ARL17A: variants seen among roughly 807,000 people sequenced by gnomAD.
ARL17A encodes ARF like GTPase 17A, also known as ADP-ribosylation factor-like 17-like.
downstream of ARL17A, chr17:46,548,683 G>T (rs757740581): frequency 9.9e-5 from 160 of 1,608,364 alleles, 1 homozygote; most frequent in Non-Finnish European, 7.6e-6. Flanking sequence ...CTTCAAAGAG[G>T]TAGGAAGGCA....
intron 2 of ARL17A, among the ~76,000 whole-genome samples, chr17:46,575,424 A>C (rs1161097438): frequency 2.6e-5 from 4 of 151,550 alleles, no homozygotes; most frequent in Non-Finnish European, 5.9e-5. Flanking sequence ...CTGGGAGCGT[A>C]CTTGGTGTAG....
At chr17:46,550,772 A>ATAT (rs1369577509), downstream of ARL17A, among the ~76,000 whole-genome samples, 114 of 80,460 alleles carry the variant, frequency 1.4e-3, 1 homozygote, top group Middle Eastern at 0.01. Flanking sequence ...TAAGAAGTCG[A>ATAT]AAATTTCTCC....
At chr17:46,531,981 T>C (rs1207581153) in intron 4 of ARL17A, among the ~76,000 whole-genome samples, 5 of 147,960 alleles carry the variant, frequency 3.4e-5, no homozygotes, top group South Asian at 2.1e-4. Context: ...TCAATTCTTA[T>C]AATCGTGTGA....
At chr17:46,537,161 CTTTTTTTTTT>C (rs1212155417) in intron 4 of ARL17A, among the ~76,000 whole-genome samples, 1 of 7,782 alleles carries the variant, frequency 1.3e-4, no homozygotes, top group Non-Finnish European at 2.5e-4. Flanking sequence ...TTGGATGTCT[CTTTTTTTTTT>C]TTTTTTTTTT....
At chr17:46,543,293 G>A (rs1244948843) in intron 3 of ARL17A, among the ~76,000 whole-genome samples, 3 of 150,454 alleles carry the variant, frequency 2.0e-5, no homozygotes, top group African/African-American at 5.0e-5. Context: ...GATCTTTCAT[G>A]TGTATTGAAA....
chr17:46,535,096 A>G (rs1287334091), intron 4 of ARL17A, among the ~76,000 whole-genome samples: 27 of 148,156 alleles, frequency 1.8e-4, no homozygotes, highest in Non-Finnish European at 3.1e-4. Context: ...GTTTTACTCT[A>G]TTGCCAGTGC....
Position 46,528,741 on chromosome 17 carries a change from A to C in ARL17A, c.*28T>G, listed in dbSNP as rs1287306654. The C allele has an allele frequency of 7.5e-6, 5 of 662,540 alleles. 1 individual carries two copies. In the East Asian group the frequency reaches 1.1e-4, roughly 15 times the overall value. The allele number at this position is 662,540 out of a possible 1,614,324, so 41.0% of individuals were successfully genotyped here. ...CTTCATCTCAAAAAAAAAAAAAAAA[A>C]GGAAAAAGGCTCACCATTTCAGATT... On this transcript the variant is annotated 3_prime_UTR_variant, in exon 5 of 5. Transcript: ENST00000329240.
intron 3 of ARL17A, among the ~76,000 whole-genome samples, chr17:46,541,302 A>C (rs570553238): frequency 1.1e-4 from 17 of 150,100 alleles, no homozygotes; most frequent in African/African-American, 4.3e-4. Context: ...CCCAGGCTGC[A>C]GTGCAGCGGC....
chr17:46,555,736 CATG>C lies in ARL17A; in HGVS notation c.*1617_*1619del. The C allele has an allele frequency of 3.1e-6, 1 of 323,020 alleles. No individual in the cohort carries two copies. Among genetic ancestry groups the C allele is most frequent in the Non-Finnish European group, 4.6e-6 (1 of 215,742 alleles). The allele number at this position is 323,020 out of a possible 1,614,324, so 20.0% of individuals were successfully genotyped here. A position where few individuals can be genotyped will look rare whatever the true frequency, so the allele number is the denominator to read the frequency against. On this transcript the variant is annotated 3_prime_UTR_variant, in exon 4 of 4. Transcript: ENST00000336125. ...TAAGGTGATATCTGATTAGGGCAAA[CATG>C]ATGCAGACAAGAAATGCACCGGTTC...
intron 3 of ARL17A, chr17:46,558,797 C>T (rs2057437177): frequency 7.4e-6 from 1 of 134,708 alleles, no homozygotes; most frequent in Admixed American, 7.4e-5. Flanking sequence ...ACTCACACTC[C>T]CCTATATCAA....
chr17:46,502,871 TG>T, the ARL17A span, among the ~76,000 whole-genome samples: 5 of 150,794 alleles, frequency 3.3e-5, no homozygotes, highest in Admixed American at 3.3e-4. Flanking sequence ...GTCTCCACTG[TG>T]ACTCATGTTA....
intron 3 of ARL17A, among the ~76,000 whole-genome samples, chr17:46,545,030 T>C (rs1035155807): frequency 1.4e-5 from 2 of 139,298 alleles, no homozygotes. Context: ...TTAAGCATTT[T>C]TGGGAAAAAT....
chr17:46,530,033 A>T (rs2053432010), intron 4 of ARL17A, among the ~76,000 whole-genome samples: 2 of 147,670 alleles, frequency 1.4e-5, no homozygotes, highest in Admixed American at 1.4e-4. Flanking sequence ...GTTTGGCTAC[A>T]TACTGCCTTA....
At chr17:46,573,159 C>T (rs1040682950) in intron 2 of ARL17A, among the ~76,000 whole-genome samples, 2 of 52,518 alleles carry the variant, frequency 3.8e-5, no homozygotes, top group Non-Finnish European at 8.9e-5. Context: ...TAGTGAGAGA[C>T]ACTCGTTACA....
downstream of ARL17A, chr17:46,549,334 G>T (rs755662646): frequency 6.2e-7 from 1 of 1,603,456 alleles, no homozygotes; most frequent in Non-Finnish European, 8.5e-7. Flanking sequence ...TGCCTTTGAA[G>T]AAAATGATTT....
downstream of ARL17A, among the ~76,000 whole-genome samples, chr17:46,515,816 AT>A (rs2051190099): frequency 4.1e-5 from 1 of 24,224 alleles, no homozygotes; most frequent in South Asian, 8.8e-4. Context: ...TTGTTGTGAA[AT>A]TTAGGTGAGT....
At chr17:46,529,246 A>G in intron 4 of ARL17A, among the ~76,000 whole-genome samples, 1 of 115,198 alleles carries the variant, frequency 8.7e-6, no homozygotes. Context: ...AGCTACCTTT[A>G]TTCTGTCCCA....
At chr17:46,568,930 CTTT>C (rs1213869251) in intron 3 of ARL17A, among the ~76,000 whole-genome samples, 4 of 124,326 alleles carry the variant, frequency 3.2e-5, no homozygotes. Flanking sequence ...AGAAAGGATA[CTTT>C]TTTTTTCTCT....
chr17:46,569,422 G>A (rs2057652800), intron 3 of ARL17A, among the ~76,000 whole-genome samples: 1 of 150,434 alleles, frequency 6.6e-6, no homozygotes, highest in Non-Finnish European at 1.5e-5. Context: ...ATCATGTCTG[G>A]GATGGGCAAA....
Sources: allele counts gnomAD v4.1 joint callset (sites outside exome capture counted in the v4.1 genomes callset), GRCh38; gene constraint gnomAD v4.1.1; transcripts MANE v1.5; gene names NCBI Gene and HGNC (gene_info 2026-07-23, HGNC 2026-07-21).